Variants in VPS26C observed in about 807,000 individuals in gnomAD.
The protein encoded by VPS26C is vacuolar protein sorting-associated protein 26C.
Under a neutral mutation model 30.6 loss-of-function variants are expected in VPS26C, and 19 were observed. The ratio of observed to expected loss-of-function variants is 0.62; its 90% CI spans 0.43 to 0.91. VPS26C has a LOEUF of 0.91. Among genes scored for constraint, VPS26C ranks in the 40% least tolerant of loss-of-function variants. The pLI, the probability that VPS26C is intolerant of heterozygous loss-of-function variation, is 0.00. For synonymous variants in VPS26C, 132 were observed against 151.5 expected (o/e 0.87, Z 0.95); for missense variants, 318 against 385.1 (o/e 0.83, Z 1.46).
intron 1 of VPS26C, among the ~76,000 whole-genome samples, chr21:37,256,161 C>T (rs927925512): frequency 6.6e-6 from 1 of 152,142 alleles, no homozygotes; most frequent in Non-Finnish European, 1.5e-5. Flanking sequence ...TATCTGAAAG[C>T]TAACAGAACT....
Position 37,231,026 on chromosome 21 carries a change from C to T in VPS26C, c.507+1351G>A, listed in dbSNP as rs116189835. ...GGAGACAAGCTGCCTACAAACACCCCGGCCACGTGCCACACCCAGGGCAGA... is the reference window on the plus strand; with the variant it reads ...GGAGACAAGCTGCCTACAAACACCCTGGCCACGTGCCACACCCAGGGCAGA... On this transcript the variant is annotated intron_variant, in intron 5 of 7. Transcript: ENST00000309117. Among the ~76,000 whole-genome samples the T allele has an allele frequency of 8.1e-3, 1,232 of 152,310 alleles. 15 individuals are homozygous for T. Among genetic ancestry groups the T allele is most frequent in the African/African-American group, 0.028 (1,159 of 41,570 alleles).
chr21:37,245,499 C>A (rs1690142759), intron 1 of VPS26C, among the ~76,000 whole-genome samples: 1 of 152,194 alleles, frequency 6.6e-6, no homozygotes, highest in Non-Finnish European at 1.5e-5. Flanking sequence ...CGTGAGCCCA[C>A]ATTTGAAACT....
chr21:37,236,529 C>T (rs1260147244), intron 3 of VPS26C, among the ~76,000 whole-genome samples: 1 of 152,140 alleles, frequency 6.6e-6, no homozygotes, highest in Non-Finnish European at 1.5e-5. Flanking sequence ...ATTATAGAGA[C>T]AAACGTCCTT....
At chr21:37,264,632 T>C (rs1003193311) in intron 1 of VPS26C, among the ~76,000 whole-genome samples, 1 of 152,182 alleles carries the variant, frequency 6.6e-6, no homozygotes, top group African/African-American at 2.4e-5. Flanking sequence ...TTTTGAAACA[T>C]TTCCAAGCTC....
intron 1 of VPS26C, among the ~76,000 whole-genome samples, chr21:37,265,875 T>C (rs1436594878): frequency 6.6e-6 from 1 of 150,756 alleles, no homozygotes; most frequent in African/African-American, 2.4e-5. Context: ...GGAGTGTGAC[T>C]ACCAGATTTC....
intron 6 of VPS26C, 107 bp downstream of exon 6, chr21:37,228,116 G>A: frequency 6.8e-7 from 1 of 1,464,310 alleles, no homozygotes; most frequent in Admixed American, 1.9e-5. Flanking sequence ...TGGGATTACA[G>A]GGGTGCGCCA....
chr21:37,253,181 T>C (rs539415825), intron 1 of VPS26C, among the ~76,000 whole-genome samples: 43 of 152,326 alleles, frequency 2.8e-4, no homozygotes, highest in African/African-American at 8.4e-4. Flanking sequence ...TAACAAGATA[T>C]CAATTTACAT....
chr21:37,230,196 A>G (rs1569231437), intron 5 of VPS26C, among the ~76,000 whole-genome samples: 1 of 152,194 alleles, frequency 6.6e-6, no homozygotes, highest in Non-Finnish European at 1.5e-5. Flanking sequence ...AACTAAGAGA[A>G]GCTATTTGTG....
intron 1 of VPS26C, among the ~76,000 whole-genome samples, chr21:37,265,665 CT>C: frequency 6.6e-6 from 1 of 152,240 alleles, no homozygotes; most frequent in East Asian, 1.9e-4. Flanking sequence ...AGAATCCACG[CT>C]ACTTGTTTCA....
At chr21:37,230,577 A>C (rs1043624047) in intron 5 of VPS26C, 2 of 152,274 alleles carry the variant, frequency 1.3e-5, no homozygotes, top group African/African-American at 4.8e-5. Context: ...ATTTTCCAAC[A>C]ATAAACCTGA....
chr21:37,243,006 T>A (rs1020868124), intron 1 of VPS26C, among the ~76,000 whole-genome samples: 2 of 152,124 alleles, frequency 1.3e-5, no homozygotes, highest in African/African-American at 4.8e-5. Context: ...GAAAGAAGGA[T>A]AGGGAATTAG....
rs188240156 is a variant in VPS26C, at chr21:37,225,574, C to T, written c.864G>A (p.Glu288=). 4 of 1,614,158 alleles carry T rather than the reference C, an allele frequency of 2.5e-6. No homozygotes were observed. In the East Asian group the frequency reaches 6.7e-5, roughly 27 times the overall value. The change falls in exon 8 of 8, where the codon GAG becomes GAA. Residue 288 remains glutamate (E), a synonymous_variant. Coordinates refer to ENST00000309117, the MANE Select transcript of VPS26C (RefSeq NM_006052.2). ...VLLHPDHLIT[E]NFPLKLCRI is the part of the protein sequence containing the mutation. ...TCCTGCAGAGCTTCAGCGGGAAGTT[C>T]TCCGTGATGAGGTGGTCAGGGTGAA...
At chr21:37,229,562 T>TA (rs1437518318) in intron 5 of VPS26C, 1 of 152,228 alleles carries the variant, frequency 6.6e-6, no homozygotes, top group Non-Finnish European at 1.5e-5. Context: ...GTAGCCACAT[T>TA]AAAAAAGAAG....
intron 3 of VPS26C, among the ~76,000 whole-genome samples, chr21:37,236,776 T>C (rs1398381142): frequency 6.6e-6 from 1 of 152,216 alleles, no homozygotes; most frequent in African/African-American, 2.4e-5. Flanking sequence ...TTCCAAATTG[T>C]AGTACTCTGA....
intron 3 of VPS26C, among the ~76,000 whole-genome samples, chr21:37,237,906 C>T (rs759831819): frequency 7.9e-5 from 12 of 152,194 alleles, no homozygotes; most frequent in Non-Finnish European, 1.3e-4. Flanking sequence ...CTTTCTGCTG[C>T]ATAAAGGAAA....
At chr21:37,267,206 C>CCCCCACCAA in intron 1 of VPS26C, 32 bp downstream of exon 1, 1 of 962,930 alleles carries the variant, frequency 1.0e-6, no homozygotes, top group Non-Finnish European at 1.7e-6. Context: ...CGCCCAACCC[C>CCCCCACCAA]ACCTCCATCC....
At chr21:37,235,797 G>A (rs545687756) in intron 3 of VPS26C, among the ~76,000 whole-genome samples, 3 of 148,560 alleles carry the variant, frequency 2.0e-5, no homozygotes, top group African/African-American at 7.4e-5. Context: ...TGGAAGTCAG[G>A]AATATAATAC....
In VPS26C at chr21:37,257,002, C is replaced by T. The variant is rs1268203240; in HGVS notation, c.57+10236G>A. Among the ~76,000 whole-genome samples, 5 of 151,880 alleles carry T rather than the reference C, an allele frequency of 3.3e-5. No individual in the cohort carries two copies. Among genetic ancestry groups the T allele is most frequent in the Admixed American group, 2.6e-4 (4 of 15,260 alleles). On this transcript the variant is annotated intron_variant, in intron 1 of 7. Transcript: ENST00000309117. The surrounding 1 kb of genome is among the most constrained non-coding windows in gnomAD (Gnocchi z 4.2). The stretch of plus-strand genomic sequence containing the variant: ...AAAAAATTAGCCAAGCGTGGTAGCA[C>T]GCACCTGTAATCCCAGCTACTCGGG...
intron 5 of VPS26C, among the ~76,000 whole-genome samples, chr21:37,231,043 C>G (rs1301335085): frequency 6.6e-6 from 1 of 152,222 alleles, no homozygotes; most frequent in Non-Finnish European, 1.5e-5. Flanking sequence ...GTGCCACACC[C>G]AGGGCAGAGC....
Sources: gnomAD v4.1 joint callset for allele counts (sites outside exome capture counted in the v4.1 genomes callset) on GRCh38, gnomAD v4.1.1 for gene constraint, Gnocchi (gnomAD v3.1) non-coding constraint, MANE v1.5 for transcripts, NCBI Gene and HGNC (gene_info 2026-07-23, HGNC 2026-07-21) for gene names.